Variants in RTN4 observed in about 807,000 individuals in gnomAD.
RTN4 encodes reticulon-4.
Under a neutral mutation model 90.4 loss-of-function variants are expected in RTN4, and 32 were observed. The ratio of observed to expected loss-of-function variants is 0.35; its 90% CI spans 0.27 to 0.48. RTN4 has a LOEUF of 0.48. RTN4 is among the 20% of genes least tolerant of loss of function. The probability of loss-of-function intolerance (pLI) is 0.99; values close to 1 mark genes in which losing one functional copy is unlikely to be tolerated. For missense variants in RTN4, 1,706 were observed against 1,430.2 expected (o/e 1.19, Z -3.11); for synonymous variants, 629 against 552.5 (o/e 1.14, Z -1.94).
chr2:55,083,178 C>A (rs1668753874), intron 1 of RTN4, among the ~76,000 whole-genome samples: 1 of 152,164 alleles, frequency 6.6e-6, no homozygotes, highest in African/African-American at 2.4e-5. Context: ...CAGAAAATTG[C>A]TTGCTTATAA....
intron 3 of RTN4, among the ~76,000 whole-genome samples, chr2:54,990,459 G>A (rs1678913404): frequency 6.6e-6 from 1 of 152,130 alleles, no homozygotes; most frequent in African/African-American, 2.4e-5. Flanking sequence ...TCATTAGTAA[G>A]ATAATTAATG....
At chr2:55,005,805 T>C (rs1680178183) in intron 3 of RTN4, among the ~76,000 whole-genome samples, 1 of 152,204 alleles carries the variant, frequency 6.6e-6, no homozygotes. Context: ...CTACATGTTA[T>C]ACCCATAGGC....
At chr2:55,036,255 T>C (rs1315036120) in intron 1 of RTN4, among the ~76,000 whole-genome samples, 1 of 152,086 alleles carries the variant, frequency 6.6e-6, no homozygotes, top group South Asian at 2.1e-4. Flanking sequence ...GAAAGTATAA[T>C]CATCACCAAA....
the RTN4 span, among the ~76,000 whole-genome samples, chr2:55,133,539 A>T: frequency 8.3e-4 from 127 of 152,314 alleles, no homozygotes; most frequent in African/African-American, 2.9e-3. Context: ...GTATGTGTTC[A>T]GTTCAATTCC....
intron 1 of RTN4, among the ~76,000 whole-genome samples, chr2:55,097,305 A>C: frequency 6.6e-6 from 1 of 151,580 alleles, no homozygotes. Context: ...CTGTCTCAAA[A>C]AAAAAAAAAA....
chr2:54,986,988 G>A (rs1678613571), intron 4 of RTN4, among the ~76,000 whole-genome samples: 1 of 152,110 alleles, frequency 6.6e-6, no homozygotes, highest in East Asian at 1.9e-4. Flanking sequence ...TGATAGTTGA[G>A]AGACAAGGAG....
chr2:54,972,610 A>AATC lies in RTN4; in HGVS notation c.*543_*545dup, dbSNP rs1396714331. ...GCTTTGTGAAACACTATACATATAT[A>AATC]ATCTATATTTACTTATATTGGCAAT... On this transcript the variant is annotated 3_prime_UTR_variant, in exon 9 of 9. Transcript: ENST00000337526. The AATC allele has an allele frequency of 1.3e-5, 2 of 152,600 alleles. No individual in the cohort carries two copies. The highest frequency in any genetic ancestry group is 6.5e-5 in the Admixed American group (1 of 15,280). 9.5% of individuals were successfully genotyped at this position (152,600 alleles called of 1,614,324 possible).
At chr2:55,124,465 T>C in the RTN4 span, among the ~76,000 whole-genome samples, 1 of 152,242 alleles carries the variant, frequency 6.6e-6, no homozygotes, top group South Asian at 2.1e-4. Flanking sequence ...CCATTCACAA[T>C]TGCCACAAAA....
Position 54,974,563 on chromosome 2 carries a change from G to A in RTN4, c.3430+132C>T, listed in dbSNP as rs532545925. 6.7e-6 allele frequency: 5 copies of A among 746,862 alleles called. No homozygotes were observed. In the South Asian group the frequency reaches 6.8e-5, roughly 10 times the overall value. 46.3% of individuals were successfully genotyped at this position (746,862 alleles called of 1,614,324 possible). ...CCCAAAGTGCTGGGATTACAGGCAT[G>A]AGCTACCGCGCCCGGCCCACATTTT... On this transcript the variant is annotated intron_variant, in intron 6 of 8. Transcript: ENST00000337526.
chr2:55,047,927 C>G (rs765535658), intron 1 of RTN4, among the ~76,000 whole-genome samples: 46 of 152,148 alleles, frequency 3.0e-4, no homozygotes, highest in African/African-American at 9.4e-4. Context: ...AGTCATGCCT[C>G]GCTGAACAGG....
intron 3 of RTN4, among the ~76,000 whole-genome samples, chr2:55,002,158 A>G (rs1679895368): frequency 6.6e-6 from 1 of 152,034 alleles, no homozygotes. Flanking sequence ...TCCTGGGCTC[A>G]AGCAATCCTG....
chr2:55,021,881 C>T (rs1681469596), intron 3 of RTN4, among the ~76,000 whole-genome samples: 1 of 152,050 alleles, frequency 6.6e-6, no homozygotes, highest in African/African-American at 2.4e-5. Context: ...ATTCTCTATT[C>T]CCTAGTAAGT....
At chr2:55,024,788 A>AAAAG (rs550528626) in intron 3 of RTN4, among the ~76,000 whole-genome samples, 1 of 152,150 alleles carries the variant, frequency 6.6e-6, no homozygotes, top group Non-Finnish European at 1.5e-5. Flanking sequence ...CACAAGTGAA[A>AAAAG]AAAGAAAGAA....
chr2:55,065,846 G>A lies in RTN4; in HGVS notation c.-63+14643C>T, dbSNP rs548262741. The stretch of plus-strand genomic sequence containing the variant: ...AGTATTATTGACTGAGACAGGGCTT[G>A]ATAGGGCCTTGTGGGATGCTGGAAC... On this transcript the variant is annotated intron_variant, in intron 2 of 3. Coordinates refer to the RTN4 transcript ENST00000427710. 4.5e-4 allele frequency among the ~76,000 whole-genome samples: 68 copies of A among 152,330 alleles called. 1 individual carries two copies. The highest frequency in any genetic ancestry group is 8.5e-4 in the Non-Finnish European group (58 of 68,030).
At chr2:55,038,586 C>T (rs1682851813) in intron 1 of RTN4, among the ~76,000 whole-genome samples, 1 of 152,120 alleles carries the variant, frequency 6.6e-6, no homozygotes, top group African/African-American at 2.4e-5. Context: ...ACTACATAAC[C>T]ACTAAAATGG....
intron 1 of RTN4, among the ~76,000 whole-genome samples, chr2:55,083,771 C>T (rs541119918): frequency 6.6e-6 from 1 of 152,338 alleles, no homozygotes; most frequent in South Asian, 2.1e-4. Context: ...AATTTCCTCT[C>T]ATCATCCTAT....
At chr2:54,992,218 A>G (rs555021949) in intron 3 of RTN4, among the ~76,000 whole-genome samples, 1 of 152,282 alleles carries the variant, frequency 6.6e-6, no homozygotes, top group African/African-American at 2.4e-5. Context: ...CAGCTCCTAC[A>G]TGACTAGACC....
chr2:55,049,609 G>A, intron 1 of RTN4, 136 bp downstream of exon 1: 2 of 1,416,954 alleles, frequency 1.4e-6, no homozygotes, highest in Non-Finnish European at 1.9e-6. Flanking sequence ...AACCAGACGG[G>A]GCGCCATCGC....
In RTN4 at chr2:55,082,837, T is replaced by G. The variant is rs149206223; in HGVS notation, c.-213-2198A>C. ...TAAAATATAAGTAGTATCACCCATA[T>G]CTCACATTAAAGCGGTTGAGTAATT... On this transcript the variant is annotated intron_variant, in intron 1 of 3. Transcript: ENST00000427710. Among the ~76,000 whole-genome samples the G allele has an allele frequency of 8.2e-3, 1,244 of 152,282 alleles. 13 individuals are homozygous for G. Among genetic ancestry groups the G allele is most frequent in the African/African-American group, 0.029 (1,190 of 41,554 alleles).
Sources: allele counts gnomAD v4.1 joint callset (sites outside exome capture counted in the v4.1 genomes callset), GRCh38; gene constraint gnomAD v4.1.1; transcripts MANE v1.5; gene names NCBI Gene and HGNC (gene_info 2026-07-23, HGNC 2026-07-21).